EMG1: variants seen among roughly 807,000 people sequenced by gnomAD.
EMG1 encodes ribosomal RNA small subunit methyltransferase NEP1.
EMG1 carries 24 observed loss-of-function variants against 26.9 expected under a neutral mutation model. That is an observed-to-expected ratio of 0.89 (90% confidence interval 0.65 to 1.26). The LOEUF is 1.26. Among genes scored for constraint, EMG1 ranks in the 50% most tolerant of loss-of-function variants. EMG1 has a pLI of 0.00. For synonymous variants in EMG1, 140 were observed against 112.6 expected (o/e 1.24, Z -1.54); for missense variants, 299 against 307.6 (o/e 0.97, Z 0.21).
rs1369101815 is a variant in EMG1 at position 6,973,755 on chromosome 12, G to A, written c.169-584G>A. On this transcript the variant is annotated intron_variant, in intron 1 of 5. Transcript: ENST00000599672. ...GATGGGGTTTCACCGTGTTAGCCAC[G>A]ATGGTCTCAATCTCCTGACCTTGTG... 2.6e-5 allele frequency among the ~76,000 whole-genome samples: 4 copies of A among 151,568 alleles called. No individual in the cohort carries two copies. The East Asian group carries it at 5.9e-4, about 22-fold the overall frequency.
chr12:6,975,628 T>A, intron 5 of EMG1, 68 bp from the exon 6 acceptor site: 1 of 1,130,946 alleles, frequency 8.8e-7, no homozygotes, highest in East Asian at 2.3e-5. Context: ...ATAGTTTTCC[T>A]GCCCTAAAGA....
chr12:6,981,169 G>C (rs782405770), downstream of EMG1: 2 of 1,608,240 alleles, frequency 1.2e-6, no homozygotes, highest in South Asian at 2.2e-5. Context: ...CTGTTGCTCA[G>C]AGGACAAGGA....
chr12:6,978,532 G>C lies in EMG1; in HGVS notation c.*2723G>C. Reference sequence around the variant, plus strand: ...CCTGAGAGGGAATAGCTCAGTTAGGGCTCTTGCCACTCCCCATACTGGCCC... The same window carrying C: ...CCTGAGAGGGAATAGCTCAGTTAGGCCTCTTGCCACTCCCCATACTGGCCC... On this transcript the variant is annotated 3_prime_UTR_variant, in exon 6 of 6. Coordinates refer to ENST00000599672, the MANE Select transcript of EMG1 (RefSeq NM_006331.8). 6.2e-7 allele frequency: 1 copy of C among 1,611,892 alleles called. No individual in the cohort carries two copies. The highest frequency in any genetic ancestry group is 8.5e-7 in the Non-Finnish European group (1 of 1,178,340).
downstream of EMG1, among the ~76,000 whole-genome samples, chr12:6,989,423 C>A (rs1263003516): frequency 1.3e-5 from 2 of 151,470 alleles, no homozygotes; most frequent in Non-Finnish European, 2.9e-5. Context: ...CATTCTCCTG[C>A]CTCAGCCTCT....
In EMG1 at chr12:6,978,340, C is replaced by T; in HGVS notation, c.*2531C>T. On this transcript the variant is annotated 3_prime_UTR_variant, in exon 6 of 6. Transcript: ENST00000599672. ...GTCCAGGCTCCCCACCAGCAGCTCA[C>T]CGGGCCACCCAGGCGTTGGTGTTGA... 1 of 1,604,998 alleles carries T rather than the reference C, an allele frequency of 6.2e-7. No individual in the cohort carries two copies. The highest frequency in any genetic ancestry group is 8.5e-7 in the Non-Finnish European group (1 of 1,174,918).
downstream of EMG1, among the ~76,000 whole-genome samples, chr12:6,984,362 T>C (rs781826676): frequency 4.3e-4 from 65 of 152,338 alleles, no homozygotes; most frequent in African/African-American, 1.5e-3. Context: ...TAAAATTTGG[T>C]ATTCCTAAAC....
chr12:6,981,687 G>A, downstream of EMG1: 1 of 1,565,380 alleles, frequency 6.4e-7, no homozygotes, highest in Non-Finnish European at 8.8e-7. Flanking sequence ...CTGAGGATGT[G>A]GCCTGTAGAC....
intron 1 of EMG1, 111 bp downstream of exon 1, chr12:6,971,202 T>C (rs1325061396): frequency 1.1e-6 from 1 of 884,320 alleles, no homozygotes; most frequent in Non-Finnish European, 1.8e-6. Context: ...TGAAAGATGC[T>C]TTTGAAGGAA....
At chr12:6,991,372 T>G (rs1415268092), downstream of EMG1, among the ~76,000 whole-genome samples, 1 of 152,248 alleles carries the variant, frequency 6.6e-6, no homozygotes, top group African/African-American at 2.4e-5. Context: ...CTCTTGCACT[T>G]TGAATGGATA....
chr12:6,972,152 C>T (rs768458282), intron 1 of EMG1, among the ~76,000 whole-genome samples: 1 of 151,394 alleles, frequency 6.6e-6, no homozygotes, highest in East Asian at 1.9e-4. Context: ...CTGCAGCCTC[C>T]GCCTCCCGGG....
chr12:6,986,738 G>T (rs1459407853), intron 6 of EMG1, among the ~76,000 whole-genome samples: 1 of 145,586 alleles, frequency 6.9e-6, no homozygotes, highest in Non-Finnish European at 1.5e-5. Flanking sequence ...AGCAGAGATT[G>T]CAGTGAGCAG....
chr12:6,990,139 C>G (rs781798561), downstream of EMG1, among the ~76,000 whole-genome samples: 2 of 151,456 alleles, frequency 1.3e-5, no homozygotes, highest in Non-Finnish European at 2.9e-5. Flanking sequence ...GATGATGCCA[C>G]TGCACTCCAG....
intron 7 of EMG1, among the ~76,000 whole-genome samples, chr12:6,993,273 A>G (rs1438479902): frequency 1.3e-5 from 2 of 152,020 alleles, no homozygotes; most frequent in Admixed American, 6.6e-5. Context: ...CCCTGTCTCT[A>G]CTAACAAAAA....
chr12:6,975,379 G>C lies in EMG1; in HGVS notation c.621+1G>C. ...GGTAGGGGCCTTTGCCCATGGCAAG[G>C]TAAGGTCTGGGCTCAACCCTGAAAT... On this transcript the variant is annotated splice_donor_variant, in intron 5 of 5. Coordinates refer to ENST00000599672, the MANE Select transcript of EMG1 (RefSeq NM_006331.8). LOFTEE classifies it high-confidence loss of function. 1 of 1,593,908 alleles carries C rather than the reference G, an allele frequency of 6.3e-7. No individual in the cohort carries two copies. Among genetic ancestry groups the C allele is most frequent in the Non-Finnish European group, 8.6e-7 (1 of 1,169,344 alleles).
In EMG1 at chr12:6,975,884, G is replaced by A; in HGVS notation, c.*75G>A. The A allele has an allele frequency of 2.3e-6, 2 of 870,268 alleles. No homozygotes were observed. Among genetic ancestry groups the A allele is most frequent in the Non-Finnish European group, 3.9e-6 (2 of 518,168 alleles). The allele number at this position is 870,268 out of a possible 1,614,324, so 53.9% of individuals were successfully genotyped here. A position where few individuals can be genotyped will look rare whatever the true frequency, so the allele number is the denominator to read the frequency against. On this transcript the variant is annotated 3_prime_UTR_variant, in exon 6 of 6. Transcript: ENST00000599672. ...TGACCCTGGTCTGAGCTGACTGCTGGAAGATGATCTTTCTGCACTGAGACT... is the reference window on the plus strand; with the variant it reads ...TGACCCTGGTCTGAGCTGACTGCTGAAAGATGATCTTTCTGCACTGAGACT...
chr12:6,982,318 T>C (rs1290557565), downstream of EMG1, among the ~76,000 whole-genome samples: 1 of 152,120 alleles, frequency 6.6e-6, no homozygotes, highest in African/African-American at 2.4e-5. Context: ...GGATTACAGG[T>C]GTGAGCCACT....
downstream of EMG1, among the ~76,000 whole-genome samples, chr12:6,989,817 T>A (rs1481216534): frequency 6.6e-6 from 1 of 152,166 alleles, no homozygotes; most frequent in Non-Finnish European, 1.5e-5. Context: ...GTGAGATTAC[T>A]TATTAATCCT....
Position 6,987,020 on chromosome 12 carries a change from G to T in EMG1, c.*155-762G>T, listed in dbSNP as rs868988097. Among the ~76,000 whole-genome samples, 1 of 151,956 alleles carries T rather than the reference G, an allele frequency of 6.6e-6. No individual in the cohort carries two copies. The highest frequency in any genetic ancestry group is 6.6e-5 in the Admixed American group (1 of 15,236). ...CCCACCTACTTGGGAAGCTGAGGCA[G>T]GAGAATTGCTTGAACCCAGGAGGCG... On this transcript the variant is annotated intron_variant and NMD_transcript_variant, in intron 6 of 7. Coordinates refer to the EMG1 transcript ENST00000261406. The surrounding 1 kb of genome is among the most constrained non-coding windows in gnomAD (Gnocchi z 4.1).
In EMG1 at chr12:6,977,791, T is replaced by C; in HGVS notation, c.*1982T>C. Reference sequence around the variant, plus strand: ...GGCGACCCTCAAACTGACTGGTCCTTGCATCCCGCCACCTGCCTCTGGGTC... The same window carrying C: ...GGCGACCCTCAAACTGACTGGTCCTCGCATCCCGCCACCTGCCTCTGGGTC... On this transcript the variant is annotated 3_prime_UTR_variant, in exon 6 of 6. Transcript: ENST00000599672. This position sits in a 1 kb window ranked among gnomAD's most constrained non-coding sequence, Gnocchi z 4.5. The C allele has an allele frequency of 6.2e-7, 1 of 1,610,046 alleles. No homozygotes were observed. Among genetic ancestry groups the C allele is most frequent in the Non-Finnish European group, 8.5e-7 (1 of 1,177,776 alleles).
Sources: gnomAD v4.1 joint callset for allele counts (sites outside exome capture counted in the v4.1 genomes callset) on GRCh38, gnomAD v4.1.1 for gene constraint, Gnocchi (gnomAD v3.1) non-coding constraint, MANE v1.5 for transcripts, NCBI Gene and HGNC (gene_info 2026-07-23, HGNC 2026-07-21) for gene names.